Variants in RCC2 observed in about 807,000 individuals in gnomAD.
RCC2 encodes the protein protein RCC2.
A neutral mutation model predicts 64.1 loss-of-function variants in RCC2; 19 were observed. The ratio of observed to expected loss-of-function variants is 0.30; its 90% CI spans 0.21 to 0.44. The LOEUF (loss-of-function observed/expected upper bound fraction) is 0.44, where lower values mean the gene tolerates loss of function less well. RCC2 is among the 20% of genes least tolerant of loss of function. RCC2 has a pLI of 1.00. For synonymous variants in RCC2, 325 were observed against 279.6 expected, an observed-to-expected ratio of 1.16 and a Z score of -1.62; for missense variants, 508 against 710.4, an observed-to-expected ratio of 0.72 and a Z score of 3.24.
intron 2 of RCC2, among the ~76,000 whole-genome samples, chr1:17,430,287 C>T (rs1357149883): frequency 6.6e-6 from 1 of 152,014 alleles, no homozygotes; most frequent in Admixed American, 6.5e-5. Flanking sequence ...AAGGCCGAGG[C>T]GGGCAGATTG....
intron 11 of RCC2, among the ~76,000 whole-genome samples, chr1:17,410,614 G>A (rs1372973674): frequency 6.6e-6 from 1 of 152,192 alleles, no homozygotes; most frequent in Non-Finnish European, 1.5e-5. Flanking sequence ...GCAAAGGTGT[G>A]GAGCTGGGCA....
chr1:17,417,006 C>CA lies in RCC2; in HGVS notation c.860-361dup, dbSNP rs1372625384. ...CTTATTTCTTACAATGGGTTGCAGT[C>CA]AAAAAAGTTGAAGCTGCTGATCAAG... On this transcript the variant is annotated intron_variant, in intron 7 of 12. Transcript: ENST00000375436. Among the ~76,000 whole-genome samples the CA allele has an allele frequency of 2.6e-5, 4 of 152,068 alleles. No homozygotes were observed. In the East Asian group the frequency reaches 5.8e-4, roughly 22 times the overall value.
intron 3 of RCC2, among the ~76,000 whole-genome samples, chr1:17,427,761 T>C (rs2100382747): frequency 6.6e-6 from 1 of 150,692 alleles, no homozygotes; most frequent in Non-Finnish European, 1.5e-5. Flanking sequence ...CACTGGCTCC[T>C]GAGGAGCCGG....
At chr1:17,409,930 G>T in intron 12 of RCC2, 44 bp downstream of exon 12, 2 of 1,499,576 alleles carry the variant, frequency 1.3e-6, no homozygotes, top group Non-Finnish European at 1.9e-6. Context: ...ACATACCACT[G>T]GGTACGGACA....
At chr1:17,426,366 A>C in intron 3 of RCC2, among the ~76,000 whole-genome samples, 2 of 150,828 alleles carry the variant, frequency 1.3e-5, no homozygotes, top group Non-Finnish European at 1.5e-5. Context: ...CCACTTCATG[A>C]CTCCCCTGAC....
intron 3 of RCC2, among the ~76,000 whole-genome samples, chr1:17,426,812 G>C (rs192263029): frequency 1.4e-5 from 2 of 148,118 alleles, no homozygotes; most frequent in Non-Finnish European, 3.0e-5. Flanking sequence ...GCCCAGGCTG[G>C]AGAGCAGTGG....
At chr1:17,426,712 C>T (rs980729005) in intron 3 of RCC2, among the ~76,000 whole-genome samples, 2 of 152,124 alleles carry the variant, frequency 1.3e-5, no homozygotes, top group African/African-American at 2.4e-5. Flanking sequence ...CACAAACCCC[C>T]CTTCACACCC....
Position 17,409,074 on chromosome 1 carries a change from G to A in RCC2, c.*16C>T, listed in dbSNP as rs1233185711. 1.3e-6 allele frequency: 2 copies of A among 1,554,226 alleles called. No homozygotes were observed. Reference sequence around the variant, plus strand: ...CTGCCGCGAGAGGTGTGGAGTCGGAGGAGTCTCCGGGAGCATCAGAGGGTT... The same window carrying A: ...CTGCCGCGAGAGGTGTGGAGTCGGAAGAGTCTCCGGGAGCATCAGAGGGTT... On this transcript the variant is annotated 3_prime_UTR_variant, in exon 13 of 13. Coordinates refer to ENST00000375436, the MANE Select transcript of RCC2 (RefSeq NM_018715.4).
chr1:17,424,100 C>T (rs995918279), intron 4 of RCC2, among the ~76,000 whole-genome samples: 12 of 152,196 alleles, frequency 7.9e-5, no homozygotes, highest in African/African-American at 1.4e-4. Context: ...GACTGAGATG[C>T]GGCAGGACAG....
At chr1:17,427,215 T>C (rs1453028784) in intron 3 of RCC2, among the ~76,000 whole-genome samples, 1 of 152,200 alleles carries the variant, frequency 6.6e-6, no homozygotes, top group Admixed American at 6.5e-5. Flanking sequence ...CCTGGCTGCC[T>C]AGAAAGTATC....
At chr1:17,432,002 C>T (rs1302437646) in intron 2 of RCC2, among the ~76,000 whole-genome samples, 2 of 151,870 alleles carry the variant, frequency 1.3e-5, no homozygotes, top group Non-Finnish European at 2.9e-5. Context: ...GCAAGAGAAT[C>T]GCTTGAACCC....
At chr1:17,415,951 C>G (rs959234194) in intron 8 of RCC2, among the ~76,000 whole-genome samples, 10 of 151,644 alleles carry the variant, frequency 6.6e-5, no homozygotes, top group Non-Finnish European at 1.2e-4. Context: ...TGCCTGTAAT[C>G]CCAGCTACTC....
At chr1:17,422,081 A>G in intron 6 of RCC2, 122 bp downstream of exon 6, 1 of 649,744 alleles carries the variant, frequency 1.5e-6, no homozygotes, top group Middle Eastern at 3.3e-4. Flanking sequence ...CATGTAACTA[A>G]ACATCCAGAC....
chr1:17,432,687 G>C (rs562794076), intron 2 of RCC2, among the ~76,000 whole-genome samples: 1 of 152,382 alleles, frequency 6.6e-6, no homozygotes, highest in Non-Finnish European at 1.5e-5. Context: ...CAGTGGCCTT[G>C]GCCTTGGGGA....
rs1265674393 is a variant in RCC2, at chr1:17,431,359, A to ATAAAAATATATATATATATATAT, written c.286-2161_286-2160insATATATATATATATATATTTTTA. 9.2e-3 allele frequency among the ~76,000 whole-genome samples: 413 copies of ATAAAAATATATATATATATATAT among 44,918 alleles called. 36 individuals carry two copies. The highest frequency in any genetic ancestry group is 0.042 in the Admixed American group (119 of 2,816). 29.5% of individuals were successfully genotyped at this position (44,918 alleles called of 152,430 possible). ...AAAAAAAAAAAAAAAAAAAAAAAAA[A>ATAAAAATATATATATATATATAT]ATATATATATATATATATATATGTG... is the stretch of plus-strand genomic sequence containing the variant. On this transcript the variant is annotated intron_variant, in intron 2 of 12. Coordinates refer to ENST00000375436, the MANE Select transcript of RCC2 (RefSeq NM_018715.4).
intron 7 of RCC2, among the ~76,000 whole-genome samples, chr1:17,417,127 C>T (rs1001939917): frequency 6.6e-6 from 1 of 152,188 alleles, no homozygotes; most frequent in African/African-American, 2.4e-5. Flanking sequence ...TACACAATCC[C>T]AGGCCTCTGT....
intron 2 of RCC2, among the ~76,000 whole-genome samples, chr1:17,429,905 T>C (rs2075657738): frequency 6.6e-6 from 1 of 152,174 alleles, no homozygotes; most frequent in South Asian, 2.1e-4. Context: ...ACTTCAGTGT[T>C]CATCCTCAGT....
intron 6 of RCC2, 147 bp downstream of exon 6, chr1:17,422,055 CA>C (rs760898337): frequency 9.3e-6 from 5 of 535,610 alleles, no homozygotes; most frequent in African/African-American, 2.0e-5. Context: ...AAAAAACAAA[CA>C]AAAAAACTCT....
At chr1:17,431,518 AAAAG>A (rs1430766242) in intron 2 of RCC2, among the ~76,000 whole-genome samples, 2 of 144,724 alleles carry the variant, frequency 1.4e-5, no homozygotes, top group Non-Finnish European at 3.0e-5. Flanking sequence ...AAAAAAAAAA[AAAAG>A]AAAGAAAGAA....
Sources: allele counts gnomAD v4.1 joint callset (sites outside exome capture counted in the v4.1 genomes callset), GRCh38; gene constraint gnomAD v4.1.1; transcripts MANE v1.5; gene names NCBI Gene and HGNC (gene_info 2026-07-23, HGNC 2026-07-21).